SERPINB13: variants seen among roughly 807,000 people sequenced by gnomAD.
SERPINB13 encodes the protein serpin family B member 13.
Under a neutral mutation model 31.2 loss-of-function variants are expected in SERPINB13, and 26 were observed. That is an observed-to-expected ratio of 0.83 (90% CI 0.61 to 1.15). The LOEUF (loss-of-function observed/expected upper bound fraction) is 1.15, where lower values mean the gene tolerates loss of function less well. Among genes scored for constraint, SERPINB13 ranks in the 50% most tolerant of loss-of-function variants. SERPINB13 has a pLI of 0.00. For missense variants in SERPINB13, 510 were observed against 469.4 expected (o/e 1.09, Z -0.80); for synonymous variants, 191 against 172.4 (o/e 1.11, Z -0.85).
chr18:63,596,529 A>G (rs533927009), intron 7 of SERPINB13, among the ~76,000 whole-genome samples: 8 of 152,372 alleles, frequency 5.3e-5, no homozygotes, highest in African/African-American at 1.2e-4. Flanking sequence ...GGAAAAATTT[A>G]TCAACTTCAT....
rs1226039460 is a variant in SERPINB13 at position 63,592,907 on chromosome 18, T to A, written c.408T>A (p.Asp136Glu). 6.2e-7 allele frequency: 1 copy of A among 1,613,280 alleles called. No individual in the cohort carries two copies. The highest frequency in any genetic ancestry group is 8.5e-7 in the Non-Finnish European group (1 of 1,179,688). ...KYYHASLEPV[D>E]FVNAADESRK... Reference sequence around the variant, plus strand: ...ATCATGCATCTCTGGAACCTGTTGATTTTGTAAATGCAGCCGATGAAAGTC... The same window carrying A: ...ATCATGCATCTCTGGAACCTGTTGAATTTGTAAATGCAGCCGATGAAAGTC... The change falls in exon 5 of 8, where the codon GAT (aspartate) becomes GAA (glutamate). Residue 136 changes from aspartate to glutamate, a missense_variant. Transcript: ENST00000344731.
rs192253366 is a variant in SERPINB13 at position 63,591,726 on chromosome 18, T to C, written c.226-622T>C. Among the ~76,000 whole-genome samples, 10 of 152,090 alleles carry C rather than the reference T, an allele frequency of 6.6e-5. No individual in the cohort carries two copies. In the East Asian group the frequency reaches 1.5e-3, roughly 23 times the overall value. On this transcript the variant is annotated intron_variant, in intron 3 of 7. Coordinates refer to ENST00000344731, the MANE Select transcript of SERPINB13 (RefSeq NM_012397.4). Reference sequence around the variant, plus strand: ...CTGAAATATGTATCTTATATATTAATATGTAATTAATATTTATTGTATTTA... The same window carrying C: ...CTGAAATATGTATCTTATATATTAACATGTAATTAATATTTATTGTATTTA...
chr18:63,597,721 G>T lies in SERPINB13; in HGVS notation c.*358G>T. The stretch of plus-strand genomic sequence containing the variant: ...AATTTTGGGGGGTCTCTCTAATTCT[G>T]GTATTTTGACATGTTATAATACGCA... On this transcript the variant is annotated 3_prime_UTR_variant, in exon 8 of 8. Transcript: ENST00000344731. 5.6e-6 allele frequency: 1 copy of T among 178,220 alleles called. No homozygotes were observed. The highest frequency in any genetic ancestry group is 5.6e-5 in the Admixed American group (1 of 17,786). 11.0% of individuals were successfully genotyped at this position (178,220 alleles called of 1,614,324 possible).
chr18:63,597,390 T>A lies in SERPINB13; in HGVS notation c.*27T>A. The A allele has an allele frequency of 3.8e-6, 6 of 1,573,850 alleles. No homozygotes were observed. The highest frequency in any genetic ancestry group is 5.2e-6 in the Non-Finnish European group (6 of 1,159,114). On this transcript the variant is annotated 3_prime_UTR_variant, in exon 8 of 8. Transcript: ENST00000344731. ...ATGATCGTTGCCATGGCATTGCTGC[T>A]TTTAGCAAAAAACAACTACCAGTGT...
chr18:63,597,081 G>C lies in SERPINB13; in HGVS notation c.894G>C (p.Ala298=), dbSNP rs1171667116. The change falls in exon 8 of 8, where the codon GCG becomes GCC. Residue 298 remains alanine, a synonymous_variant. Coordinates refer to ENST00000344731, the MANE Select transcript of SERPINB13 (RefSeq NM_012397.4). ...TGGAGGACGGTTACGATCTAGAGGC[G>C]GTCCTGGCTGCCATGGGGATGGGCG... ...FEVEDGYDLE[A]VLAAMGMGDA... 1 of 1,614,188 alleles carries C rather than the reference G, an allele frequency of 6.2e-7. No individual in the cohort carries two copies. Among genetic ancestry groups the C allele is most frequent in the Non-Finnish European group, 8.5e-7 (1 of 1,180,030 alleles).
chr18:63,596,702 GATAAA>G (rs1912187512), intron 7 of SERPINB13, among the ~76,000 whole-genome samples: 1 of 152,102 alleles, frequency 6.6e-6, no homozygotes, highest in Admixed American at 6.5e-5. Context: ...ATACTAGGTT[GATAAA>G]ATAAGAAATG....
chr18:63,593,012 CAAA>C, intron 5 of SERPINB13, 41 bp downstream of exon 5: 1 of 1,288,370 alleles, frequency 7.8e-7, no homozygotes, highest in Non-Finnish European at 1.1e-6. Context: ...AAAACAAAAA[CAAA>C]GAAACAAACA....
intron 5 of SERPINB13, 62 bp downstream of exon 5, chr18:63,593,033 A>G (rs1454141405): frequency 9.2e-7 from 1 of 1,091,674 alleles, no homozygotes; most frequent in Non-Finnish European, 1.4e-6. Flanking sequence ...ACAAACAAAA[A>G]ACACTTCTTG....
Position 63,594,472 on chromosome 18 carries a change from A to C in SERPINB13, c.590A>C (p.Lys197Thr). The C allele has an allele frequency of 1.9e-6, 3 of 1,614,084 alleles. No homozygotes were observed. The highest frequency in any genetic ancestry group is 2.5e-6 in the Non-Finnish European group (3 of 1,179,974). Residue 197 changes from lysine to threonine, a missense_variant, in exon 6 of 8, where the codon AAG (lysine) becomes ACG (threonine). Physicochemically the swap from Lys to Thr is moderately conservative, Grantham distance 78. Coordinates refer to ENST00000344731, the MANE Select transcript of SERPINB13 (RefSeq NM_012397.4). ...AGGGAGTTTAAGAAAGAAAATACTA[A>C]GGAAGAGAAATTTTGGATGAATAAG... ...WDREFKKENT[K>T]EEKFWMNKST...
rs1912275314 is a variant in SERPINB13, at chr18:63,597,764, G to A, written c.*401G>A. 6.2e-6 allele frequency: 1 copy of A among 161,472 alleles called. No individual in the cohort carries two copies. Among genetic ancestry groups the A allele is most frequent in the African/African-American group, 2.4e-5 (1 of 41,690 alleles). The allele number at this position is 161,472 out of a possible 1,614,324, so 10.0% of individuals were successfully genotyped here. A position where few individuals can be genotyped will look rare whatever the true frequency, so the allele number is the denominator to read the frequency against. On this transcript the variant is annotated 3_prime_UTR_variant, in exon 8 of 8. Transcript: ENST00000344731. Reference sequence around the variant, plus strand: ...AATACGCAAGTAAAATAAAACAATAGTTTACTCAGCTCATGTTACTATTCC... The same window carrying A: ...AATACGCAAGTAAAATAAAACAATAATTTACTCAGCTCATGTTACTATTCC...
In SERPINB13 at chr18:63,592,862, A is replaced by T. The variant is rs886720574; in HGVS notation, c.363A>T (p.Leu121Phe). ...CCTTGTTTCTCCTAAAGAAATACTT[A>T]GATTATGTTGAAAAATATTATCATG... Reference protein sequence around the residue: ...EKTYLFLQKYLDYVEKYYHAS... With the variant: ...EKTYLFLQKYFDYVEKYYHAS... Residue 121 changes from leucine (L) to phenylalanine (F), a missense_variant, in exon 5 of 8, where the codon TTA (leucine) becomes TTT (phenylalanine). Leu to Phe is a conservative substitution (Grantham distance 22). Transcript: ENST00000344731. 3.2e-6 allele frequency: 5 copies of T among 1,580,916 alleles called. No individual in the cohort carries two copies. In the African/African-American group the frequency reaches 6.8e-5, roughly 21 times the overall value.
intron 5 of SERPINB13, among the ~76,000 whole-genome samples, chr18:63,593,388 T>A (rs1163186148): frequency 6.6e-6 from 1 of 152,186 alleles, no homozygotes; most frequent in Non-Finnish European, 1.5e-5. Flanking sequence ...TTCCTGAGTT[T>A]TTCTCTGTCT....
chr18:63,594,847 C>T (rs561072435), intron 6 of SERPINB13, among the ~76,000 whole-genome samples, 182 bp from the exon 7 acceptor site: 1 of 151,824 alleles, frequency 6.6e-6, no homozygotes, highest in Admixed American at 6.6e-5. Context: ...CCCACCCCCC[C>T]AAAAAAATCT....
At chr18:63,589,555 C>A (rs1284752784) in intron 2 of SERPINB13, 101 bp from the exon 3 acceptor site, 2 of 1,434,890 alleles carry the variant, frequency 1.4e-6, no homozygotes, top group African/African-American at 1.4e-5. Context: ...ACCTCATATA[C>A]CACCGAGGTT....
At position 63,588,835 on chromosome 18, in the gene SERPINB13, TG is replaced by T; in HGVS notation, c.165+6del. The T allele has an allele frequency of 6.2e-7, 1 of 1,613,364 alleles. No individual in the cohort carries two copies. The highest frequency in any genetic ancestry group is 8.5e-7 in the Non-Finnish European group (1 of 1,179,748). On this transcript the variant is annotated splice_donor_region_variant and intron_variant, in intron 2 of 7. Coordinates refer to ENST00000344731, the MANE Select transcript of SERPINB13 (RefSeq NM_012397.4). Reference sequence around the variant, plus strand: ...CCACCGCTTCCCAGTTGGAGGAGGTTGGGCGCAGTCAGGGGGCTTCCTTGTT... The same window carrying T: ...CCACCGCTTCCCAGTTGGAGGAGGTTGGCGCAGTCAGGGGGCTTCCTTGTT...
chr18:63,591,852 A>AT (rs964913596), intron 3 of SERPINB13, among the ~76,000 whole-genome samples: 24 of 150,300 alleles, frequency 1.6e-4, no homozygotes, highest in African/African-American at 5.4e-4. Flanking sequence ...TATTCAGAAA[A>AT]TTTTTTTTTT....
chr18:63,588,653 C>G lies in SERPINB13; in HGVS notation c.-15C>G. The G allele has an allele frequency of 6.2e-7, 1 of 1,613,856 alleles. No individual in the cohort carries two copies. The highest frequency in any genetic ancestry group is 8.5e-7 in the Non-Finnish European group (1 of 1,179,800). On this transcript the variant is annotated splice_region_variant and 5_prime_UTR_variant, in exon 2 of 8. Transcript: ENST00000344731. Reference sequence around the variant, plus strand: ...GATTGTTGTTCTTGCTATTCTAGGTCTCGCTAAAATCATCATGGATTCACT... The same window carrying G: ...GATTGTTGTTCTTGCTATTCTAGGTGTCGCTAAAATCATCATGGATTCACT...
chr18:63,589,515 C>G, intron 2 of SERPINB13, 141 bp from the exon 3 acceptor site: 1 of 1,039,118 alleles, frequency 9.6e-7, no homozygotes. Context: ...AAACGCAGAC[C>G]TTTTTCTGAT....
At chr18:63,596,181 G>A (rs930205917) in intron 7 of SERPINB13, among the ~76,000 whole-genome samples, 5 of 152,134 alleles carry the variant, frequency 3.3e-5, no homozygotes, top group Non-Finnish European at 2.9e-5. Flanking sequence ...AACTGCTATC[G>A]TCTTATACTA....
Sources: allele counts gnomAD v4.1 joint callset (sites outside exome capture counted in the v4.1 genomes callset), GRCh38; gene constraint gnomAD v4.1.1; transcripts MANE v1.5; gene names NCBI Gene and HGNC (gene_info 2026-07-23, HGNC 2026-07-21).